Variants in RNF17 observed in about 807,000 individuals in gnomAD.
The protein encoded by RNF17 is ring finger protein 17.
A neutral mutation model predicts 200.5 loss-of-function variants in RNF17; 31 were observed. The observed-to-expected ratio is 0.15, with a 90% CI of 0.12 to 0.21. The LOEUF is 0.21. Ranked by LOEUF, RNF17 falls within the 10% of genes least tolerant of loss-of-function variation. The pLI is 1.00. For synonymous variants in RNF17, 606 were observed against 637.8 expected (o/e 0.95, Z 0.75); for missense variants, 1,628 against 1,905.1 (o/e 0.85, Z 2.71).
At chr13:24,757,622 C>A in the RNF17 span, among the ~76,000 whole-genome samples, 1 of 152,056 alleles carries the variant, frequency 6.6e-6, no homozygotes, top group Non-Finnish European at 1.5e-5. Flanking sequence ...CTGTGCCTGG[C>A]CGACAATATT....
At chr13:24,809,063 A>T (rs1886252316) in intron 15 of RNF17, among the ~76,000 whole-genome samples, 1 of 151,746 alleles carries the variant, frequency 6.6e-6, no homozygotes, top group South Asian at 2.1e-4. Flanking sequence ...TTTATTGAGG[A>T]TTTTTGCATC....
Position 24,804,296 on chromosome 13 carries a change from C to A in RNF17, c.1958C>A (p.Ser653Ter). Reference sequence around the variant, plus strand: ...ATTATGCTTTTAATTAGGTTTAAGTCACAATCACTAAGAAGTCACTTTGAA... The same window carrying A: ...ATTATGCTTTTAATTAGGTTTAAGTAACAATCACTAAGAAGTCACTTTGAA... ...LVFMELAKFK[S>*]QSLRSHFEKN... Residue 653 changes from serine to a stop codon, truncating the protein, a stop_gained, in exon 15 of 36, where the codon TCA (serine) becomes TAA (stop). Transcript: ENST00000255324. LOFTEE classifies it high-confidence loss of function. 2 of 1,612,538 alleles carry A rather than the reference C, an allele frequency of 1.2e-6. No individual in the cohort carries two copies. The highest frequency in any genetic ancestry group is 2.2e-5 in the South Asian group (2 of 90,912).
chr13:24,848,966 G>C, intron 22 of RNF17, among the ~76,000 whole-genome samples: 1 of 152,060 alleles, frequency 6.6e-6, no homozygotes, highest in East Asian at 1.9e-4. Context: ...AATCCTGTTT[G>C]GCCAAGTTAT....
chr13:24,806,813 A>C (rs1885930447), intron 15 of RNF17, among the ~76,000 whole-genome samples: 3 of 113,576 alleles, frequency 2.6e-5, no homozygotes, highest in South Asian at 3.3e-4. Context: ...CCCACCCCAA[A>C]ACAGTCCCCA....
rs187875875 is a variant in RNF17, at chr13:24,818,852, T to C, written c.2092-6767T>C. Reference sequence around the variant, plus strand: ...TTAATTAATTCTGCCAATCTTTGTCTTTTAATTGGAGAGTTTAATACATTT... The same window carrying C: ...TTAATTAATTCTGCCAATCTTTGTCCTTTAATTGGAGAGTTTAATACATTT... On this transcript the variant is annotated intron_variant, in intron 15 of 35. Coordinates refer to ENST00000255324, the MANE Select transcript of RNF17 (RefSeq NM_031277.3). Among the ~76,000 whole-genome samples the C allele has an allele frequency of 2.2e-4, 33 of 152,246 alleles. 1 individual carries two copies. Among genetic ancestry groups the C allele is most frequent in the Admixed American group, 1.2e-3 (18 of 15,296 alleles).
chr13:24,769,189 A>T (rs1421675497), intron 2 of RNF17, among the ~76,000 whole-genome samples: 4 of 140,422 alleles, frequency 2.8e-5, no homozygotes, highest in African/African-American at 8.0e-5. Flanking sequence ...TTCTAATATT[A>T]AAAAAAAAAA....
At chr13:24,771,469 G>A (rs1276356642) in intron 2 of RNF17, among the ~76,000 whole-genome samples, 1 of 150,634 alleles carries the variant, frequency 6.6e-6, no homozygotes, top group Non-Finnish European at 1.5e-5. Flanking sequence ...TATCCAGCCT[G>A]TCTTTTTTCC....
intron 31 of RNF17, among the ~76,000 whole-genome samples, chr13:24,869,863 G>T (rs754576286): frequency 6.6e-6 from 1 of 151,586 alleles, no homozygotes; most frequent in African/African-American, 2.4e-5. Context: ...AACTTCCCAG[G>T]CTCAACCATT....
At chr13:24,884,579 C>T, downstream of RNF17, 1 of 990,806 alleles carries the variant, frequency 1.0e-6, no homozygotes, top group Non-Finnish European at 1.6e-6. Context: ...AACATTCCCT[C>T]AAAAGATCCT....
At chr13:24,860,351 G>A (rs528721799) in intron 26 of RNF17, among the ~76,000 whole-genome samples, 1 of 151,990 alleles carries the variant, frequency 6.6e-6, no homozygotes, top group South Asian at 2.1e-4. Context: ...AAAGAACTTT[G>A]ATAGTTTAAT....
At chr13:24,803,510 G>A (rs1182566085) in intron 14 of RNF17, among the ~76,000 whole-genome samples, 1 of 152,162 alleles carries the variant, frequency 6.6e-6, no homozygotes, top group Non-Finnish European at 1.5e-5. Context: ...TGTTGGCCAG[G>A]CTGGTCTTGA....
intron 9 of RNF17, among the ~76,000 whole-genome samples, chr13:24,791,897 T>C (rs543576512): frequency 2.0e-5 from 3 of 152,322 alleles, no homozygotes; most frequent in African/African-American, 4.8e-5. Flanking sequence ...GTAATCTTTT[T>C]TGAATAAAGG....
At chr13:24,829,200 G>A (rs1308428354) in intron 16 of RNF17, among the ~76,000 whole-genome samples, 1 of 151,948 alleles carries the variant, frequency 6.6e-6, no homozygotes, top group Non-Finnish European at 1.5e-5. Context: ...CTCCAGTATT[G>A]GATCCCTTGT....
chr13:24,885,189 G>A, the RNF17 span: 1 of 883,650 alleles, frequency 1.1e-6, no homozygotes, highest in Non-Finnish European at 1.8e-6. Context: ...TGTCCAAAGA[G>A]CCCTTATTTT....
chr13:24,874,483 C>T (rs888103612), intron 33 of RNF17, among the ~76,000 whole-genome samples: 1 of 150,478 alleles, frequency 6.6e-6, no homozygotes, highest in Admixed American at 6.6e-5. Flanking sequence ...AATCTTGGCT[C>T]ACTGCAACCT....
the RNF17 span, among the ~76,000 whole-genome samples, chr13:24,758,511 AAGG>A: frequency 2.6e-5 from 4 of 152,206 alleles, no homozygotes; most frequent in Admixed American, 2.6e-4. Context: ...GCTGATACAG[AAGG>A]AGATCAGCTT....
chr13:24,799,989 T>G (rs557056044), intron 12 of RNF17, among the ~76,000 whole-genome samples: 27 of 152,310 alleles, frequency 1.8e-4, no homozygotes, highest in African/African-American at 6.3e-4. Flanking sequence ...TTTCTCTGTC[T>G]TCTAGGAAAA....
chr13:24,802,479 T>C lies in RNF17; in HGVS notation c.1857T>C (p.Leu619=). ...TTTTTAGAGAAGAAGATGGTGTGCT[T>C]ATTGTAGATCTGCAAAAACCACCAC... ...MKVFREEDGV[L]IVDLQKPPPN... is the part of the protein sequence containing the mutation. Residue 619 remains leucine, a synonymous_variant, in exon 14 of 36, where the codon CTT becomes CTC. Transcript: ENST00000255324. 6.2e-7 allele frequency: 1 copy of C among 1,613,968 alleles called. No homozygotes were observed. The highest frequency in any genetic ancestry group is 8.5e-7 in the Non-Finnish European group (1 of 1,179,848).
At chr13:24,807,961 T>C (rs1168948423) in intron 15 of RNF17, among the ~76,000 whole-genome samples, 1 of 152,058 alleles carries the variant, frequency 6.6e-6, no homozygotes, top group Admixed American at 6.6e-5. Context: ...TTTGTAGATA[T>C]GCGGCGTTAT....
Sources: gnomAD v4.1 joint callset for allele counts (sites outside exome capture counted in the v4.1 genomes callset) on GRCh38, gnomAD v4.1.1 for gene constraint, MANE v1.5 for transcripts, NCBI Gene and HGNC (gene_info 2026-07-23, HGNC 2026-07-21) for gene names.